ST6GAL2: variants seen among roughly 807,000 people sequenced by gnomAD.
The protein encoded by ST6GAL2 is beta-galactoside alpha-2,6-sialyltransferase 2.
Under a neutral mutation model 37.5 loss-of-function variants are expected in ST6GAL2, and 24 were observed. The ratio of observed to expected loss-of-function variants is 0.64; its 90% confidence interval spans 0.46 to 0.90. ST6GAL2 has a LOEUF of 0.90. ST6GAL2 is among the 40% of genes least tolerant of loss of function. ST6GAL2 has a pLI of 0.00. For missense variants in ST6GAL2, 715 were observed against 712.7 expected (o/e 1.00, Z -0.04); for synonymous variants, 306 against 295.1 (o/e 1.04, Z -0.38).
At chr2:106,886,942 G>GC (rs895388575), upstream of ST6GAL2, 78 of 152,610 alleles carry the variant, frequency 5.1e-4, no homozygotes, top group African/African-American at 1.8e-3. Flanking sequence ...CCCGGCCGCC[G>GC]CCTCCATCCA....
At chr2:106,846,757 G>A (rs1471966951) in intron 1 of ST6GAL2, among the ~76,000 whole-genome samples, 4 of 152,232 alleles carry the variant, frequency 2.6e-5, no homozygotes, top group East Asian at 1.9e-4. Flanking sequence ...TAACCAAGCC[G>A]GAACCACGGA....
At position 106,834,160 on chromosome 2, in the gene ST6GAL2, A is replaced by T; in HGVS notation, c.944-14T>A. 6.3e-7 allele frequency: 1 copy of T among 1,588,430 alleles called. No individual in the cohort carries two copies. On this transcript the variant is annotated splice_polypyrimidine_tract_variant and intron_variant, in intron 2 of 5. Coordinates refer to ENST00000409382, the MANE Select transcript of ST6GAL2 (RefSeq NM_001142351.2). Reference sequence around the variant, plus strand: ...CATCATGAGAATCTAAGGGCACATAAGTGACAAGCTTACTTTTGTTCTCTG... The same window carrying T: ...CATCATGAGAATCTAAGGGCACATATGTGACAAGCTTACTTTTGTTCTCTG...
intron 5 of ST6GAL2, among the ~76,000 whole-genome samples, chr2:106,827,010 T>C (rs1031473867): frequency 9.9e-5 from 15 of 152,198 alleles, no homozygotes; most frequent in African/African-American, 3.6e-4. Flanking sequence ...GAGCTGAAGA[T>C]GGGACTGTGC....
chr2:106,856,564 G>A (rs1203573626), intron 1 of ST6GAL2, among the ~76,000 whole-genome samples: 1 of 152,138 alleles, frequency 6.6e-6, no homozygotes. Flanking sequence ...GACATTCGTG[G>A]CACCAACTAT....
At chr2:106,847,695 G>A (rs1310380651) in intron 1 of ST6GAL2, among the ~76,000 whole-genome samples, 3 of 152,282 alleles carry the variant, frequency 2.0e-5, no homozygotes, top group East Asian at 1.9e-4. Context: ...CTTCAGGTTC[G>A]ATAATTTGCT....
chr2:106,806,482 T>A lies in ST6GAL2; in HGVS notation c.*196A>T, dbSNP rs545194878. On this transcript the variant is annotated 3_prime_UTR_variant, in exon 6 of 6. Coordinates refer to ENST00000409382, the MANE Select transcript of ST6GAL2 (RefSeq NM_001142351.2). Reference sequence around the variant, plus strand: ...GCATCTTTCTTGAGCCTTATTTTTTTAAAAAAACCATTTCTATGTTCAAAG... The same window carrying A: ...GCATCTTTCTTGAGCCTTATTTTTTAAAAAAAACCATTTCTATGTTCAAAG... 140 of 639,062 alleles carry A rather than the reference T, an allele frequency of 2.2e-4. No homozygotes were observed. Among genetic ancestry groups the A allele is most frequent in the African/African-American group, 1.2e-3 (66 of 54,904 alleles). 39.6% of individuals were successfully genotyped at this position (639,062 alleles called of 1,614,324 possible). A position where few individuals can be genotyped will look rare whatever the true frequency, so the allele number is the denominator to read the frequency against.
chr2:106,878,529 A>C lies in ST6GAL2; in HGVS notation c.-58+7564T>G, dbSNP rs773294874. The stretch of plus-strand genomic sequence containing the variant: ...GTAATCCCAACATTTTTGGAGGCCA[A>C]GGTAGGAGGATCACTTGAGTCCAGG... On this transcript the variant is annotated intron_variant, in intron 1 of 5. Coordinates refer to ENST00000409382, the MANE Select transcript of ST6GAL2 (RefSeq NM_001142351.2). Among the ~76,000 whole-genome samples the C allele has an allele frequency of 3.9e-5, 6 of 152,184 alleles. No individual in the cohort carries two copies. The East Asian group carries it at 9.6e-4, about 24-fold the overall frequency.
At position 106,832,564 on chromosome 2, in the gene ST6GAL2, C is replaced by G. The variant is rs756918869; in HGVS notation, c.1143+1G>C. 10 of 1,541,646 alleles carry G rather than the reference C, an allele frequency of 6.5e-6. No homozygotes were observed. The highest frequency in any genetic ancestry group is 7.1e-6 in the Non-Finnish European group (8 of 1,133,040). On this transcript the variant is annotated splice_donor_variant, in intron 4 of 5. Coordinates refer to ENST00000409382, the MANE Select transcript of ST6GAL2 (RefSeq NM_001142351.2). LOFTEE classifies it high-confidence loss of function. The stretch of plus-strand genomic sequence containing the variant: ...GTGGGCAAATCCAGGGAAACACTTA[C>G]CAGGTTAAGATTTGCGGAATATGGG...
intron 1 of ST6GAL2, among the ~76,000 whole-genome samples, chr2:106,884,776 C>G (rs185886364): frequency 6.6e-6 from 1 of 151,416 alleles, no homozygotes. Flanking sequence ...CAAAATTCCT[C>G]AAGTGGTATA....
chr2:106,826,228 T>A (rs982321882), intron 5 of ST6GAL2, among the ~76,000 whole-genome samples: 1 of 152,086 alleles, frequency 6.6e-6, no homozygotes, highest in African/African-American at 2.4e-5. Context: ...AGGAAAGAGA[T>A]TTAATTGGCT....
At chr2:106,872,401 C>T (rs1019642547) in intron 1 of ST6GAL2, among the ~76,000 whole-genome samples, 1 of 152,180 alleles carries the variant, frequency 6.6e-6, no homozygotes, top group Non-Finnish European at 1.5e-5. Flanking sequence ...GAATAACAAC[C>T]ACTAACAGTC....
chr2:106,834,022 T>C, intron 3 of ST6GAL2, 27 bp downstream of exon 3: 5 of 1,533,044 alleles, frequency 3.3e-6, no homozygotes, highest in Non-Finnish European at 4.5e-6. Flanking sequence ...GAAACATACA[T>C]CCATGAAAAC....
Position 106,843,137 on chromosome 2 carries a change from G to A in ST6GAL2, c.841C>T (p.Pro281Ser). Residue 281 changes from proline (P) to serine (S), a missense_variant, in exon 2 of 6, where the codon CCC (proline) becomes TCC (serine). Physicochemically the swap from Pro to Ser is moderately conservative, Grantham distance 74 (BLOSUM62 -1). Transcript: ENST00000409382. ...TGCAGCTGGCTCAGGGGCACGGCGG[G>A]CACCAGGCGCCGCCAGCCCAGCGCA... ...FSALGWRRLV[P>S]AVPLSQLHPR... The A allele has an allele frequency of 1.9e-6, 3 of 1,563,202 alleles. No individual in the cohort carries two copies. Among genetic ancestry groups the A allele is most frequent in the East Asian group, 2.3e-5 (1 of 42,632 alleles).
At chr2:106,818,358 C>A (rs916716916) in intron 5 of ST6GAL2, among the ~76,000 whole-genome samples, 1 of 152,132 alleles carries the variant, frequency 6.6e-6, no homozygotes, top group Non-Finnish European at 1.5e-5. Flanking sequence ...CCACTCTAGG[C>A]AGCTCAGCAC....
chr2:106,834,293 T>C (rs1229215842), intron 2 of ST6GAL2, 147 bp from the exon 3 acceptor site: 2 of 620,098 alleles, frequency 3.2e-6, no homozygotes, highest in Non-Finnish European at 5.8e-6. Context: ...TTTCAGAGAA[T>C]TTACTCTTCA....
At chr2:106,862,263 G>C (rs988906515) in intron 1 of ST6GAL2, among the ~76,000 whole-genome samples, 1 of 152,118 alleles carries the variant, frequency 6.6e-6, no homozygotes, top group African/African-American at 2.4e-5. Context: ...TTCTGCTCTT[G>C]GCAAGATTTA....
At chr2:106,810,219 T>C (rs942812037) in intron 5 of ST6GAL2, among the ~76,000 whole-genome samples, 1 of 152,242 alleles carries the variant, frequency 6.6e-6, no homozygotes, top group Admixed American at 6.5e-5. Context: ...ACAATATAGA[T>C]TTTGTCATAG....
At chr2:106,821,675 G>A (rs923253231) in intron 5 of ST6GAL2, among the ~76,000 whole-genome samples, 71 of 151,342 alleles carry the variant, frequency 4.7e-4, no homozygotes, top group African/African-American at 1.5e-3. Flanking sequence ...TCTACAAGCC[G>A]TCCTGATACC....
chr2:106,842,736 G>A (rs1401399586), intron 2 of ST6GAL2, among the ~76,000 whole-genome samples: 1 of 152,118 alleles, frequency 6.6e-6, no homozygotes, highest in Middle Eastern at 3.2e-3. Context: ...AAAGGGCGGC[G>A]CTTTCCTTCC....
Sources: gnomAD v4.1 joint callset for allele counts (sites outside exome capture counted in the v4.1 genomes callset) on GRCh38, gnomAD v4.1.1 for gene constraint, MANE v1.5 for transcripts, NCBI Gene and HGNC (gene_info 2026-07-23, HGNC 2026-07-21) for gene names.